Variants in FSTL4 observed in about 807,000 individuals in gnomAD.
The protein encoded by FSTL4 is follistatin like 4.
Under a neutral mutation model 78.2 loss-of-function variants are expected in FSTL4, and 28 were observed. That is an observed-to-expected ratio of 0.36 (90% CI 0.27 to 0.49). The LOEUF (loss-of-function observed/expected upper bound fraction) is 0.49. FSTL4 is among the 20% of genes least tolerant of loss of function. FSTL4 has a pLI of 0.98. For synonymous variants in FSTL4, 422 were observed against 440.5 expected (o/e 0.96, Z 0.53); for missense variants, 922 against 1,084.9 (o/e 0.85, Z 2.11).
At chr5:133,527,823 C>T (rs762660908) in intron 3 of FSTL4, among the ~76,000 whole-genome samples, 8 of 152,170 alleles carry the variant, frequency 5.3e-5, no homozygotes, top group Non-Finnish European at 1.0e-4. Flanking sequence ...TGGGCCCAGA[C>T]AAAAGAGTCC....
chr5:133,764,825 A>G, the FSTL4 span, among the ~76,000 whole-genome samples: 1 of 152,320 alleles, frequency 6.6e-6, no homozygotes, highest in Non-Finnish European at 1.5e-5. Flanking sequence ...TGCATTCCAA[A>G]GACAGATTCT....
intron 6 of FSTL4, 62 bp downstream of exon 6, chr5:133,312,592 C>T: frequency 6.5e-7 from 1 of 1,533,282 alleles, no homozygotes; most frequent in African/African-American, 1.4e-5. Context: ...AGGCACCCAA[C>T]AGCATTTTGG....
At chr5:133,316,002 G>A (rs1363477488) in intron 5 of FSTL4, among the ~76,000 whole-genome samples, 1 of 152,216 alleles carries the variant, frequency 6.6e-6, no homozygotes, top group Non-Finnish European at 1.5e-5. Flanking sequence ...GGCTTGGTGG[G>A]GGTTGACGGG....
intron 3 of FSTL4, among the ~76,000 whole-genome samples, chr5:133,446,995 T>C (rs991500331): frequency 6.6e-6 from 1 of 152,146 alleles, no homozygotes; most frequent in Non-Finnish European, 1.5e-5. Flanking sequence ...AGACAGCTCC[T>C]ACAAAGTACA....
At chr5:133,458,742 T>C (rs1029635015) in intron 3 of FSTL4, among the ~76,000 whole-genome samples, 1 of 152,202 alleles carries the variant, frequency 6.6e-6, no homozygotes, top group Admixed American at 6.5e-5. Context: ...GGCATCACTG[T>C]TGTCTGTGGG....
chr5:133,356,659 A>G (rs1425260073), intron 4 of FSTL4, among the ~76,000 whole-genome samples: 1 of 152,208 alleles, frequency 6.6e-6, no homozygotes, highest in African/African-American at 2.4e-5. Context: ...CCACTTTGTA[A>G]GTGTCAACTG....
intron 3 of FSTL4, among the ~76,000 whole-genome samples, chr5:133,469,505 T>C (rs1757776200): frequency 6.6e-6 from 1 of 152,150 alleles, no homozygotes; most frequent in South Asian, 2.1e-4. Flanking sequence ...ATGCAGATAG[T>C]GTTGGACCTG....
chr5:133,700,954 G>A, the FSTL4 span, among the ~76,000 whole-genome samples: 1 of 152,234 alleles, frequency 6.6e-6, no homozygotes, highest in Non-Finnish European at 1.5e-5. Context: ...ACGGACTTGA[G>A]AAGGACGGGC....
chr5:133,635,573 G>A, the FSTL4 span, among the ~76,000 whole-genome samples: 1 of 152,144 alleles, frequency 6.6e-6, no homozygotes, highest in Non-Finnish European at 1.5e-5. Context: ...AGACAAGCCT[G>A]ACCAACATGG....
chr5:133,691,881 C>T, the FSTL4 span, among the ~76,000 whole-genome samples: 1 of 152,216 alleles, frequency 6.6e-6, no homozygotes, highest in Middle Eastern at 3.2e-3. Context: ...CCACCTGGAG[C>T]TGTATCTTCA....
At chr5:133,471,831 G>C (rs1292152860) in intron 3 of FSTL4, among the ~76,000 whole-genome samples, 1 of 152,026 alleles carries the variant, frequency 6.6e-6, no homozygotes, top group Non-Finnish European at 1.5e-5. Context: ...AAAGTATGAC[G>C]GTGTGGTTTT....
At chr5:133,563,875 T>G (rs1411572079) in intron 3 of FSTL4, among the ~76,000 whole-genome samples, 1 of 152,228 alleles carries the variant, frequency 6.6e-6, no homozygotes, top group Non-Finnish European at 1.5e-5. Flanking sequence ...TCAACAACAA[T>G]GAAAACTAAA....
the FSTL4 span, among the ~76,000 whole-genome samples, chr5:133,772,993 C>T: frequency 6.6e-6 from 1 of 151,760 alleles, no homozygotes; most frequent in African/African-American, 2.4e-5. Flanking sequence ...ATATAAAAAG[C>T]ACAAAATAAA....
At chr5:133,697,767 A>C in the FSTL4 span, among the ~76,000 whole-genome samples, 1 of 152,150 alleles carries the variant, frequency 6.6e-6, no homozygotes, top group Non-Finnish European at 1.5e-5. Context: ...CACTTTCCCA[A>C]CCTCACGTGA....
chr5:133,717,850 T>C, the FSTL4 span, among the ~76,000 whole-genome samples: 1 of 152,236 alleles, frequency 6.6e-6, no homozygotes, highest in Admixed American at 6.5e-5. Flanking sequence ...TTGTTGCCAG[T>C]TTTTAACTAT....
At chr5:133,675,602 G>C in the FSTL4 span, among the ~76,000 whole-genome samples, 3 of 152,170 alleles carry the variant, frequency 2.0e-5, no homozygotes, top group African/African-American at 7.2e-5. Flanking sequence ...TGCAGTCCCT[G>C]GCAGCAGGCA....
chr5:133,667,705 C>T, the FSTL4 span, among the ~76,000 whole-genome samples: 1 of 152,168 alleles, frequency 6.6e-6, no homozygotes, highest in East Asian at 1.9e-4. Context: ...TGGCAACATC[C>T]TCACTCCTAG....
At chr5:133,306,433 G>A (rs753579882) in intron 6 of FSTL4, among the ~76,000 whole-genome samples, 3 of 152,256 alleles carry the variant, frequency 2.0e-5, no homozygotes, top group Non-Finnish European at 4.4e-5. Context: ...CAGGATGAGA[G>A]CTTTCTAGTG....
intron 14 of FSTL4, among the ~76,000 whole-genome samples, chr5:133,204,858 C>T (rs996023705): frequency 2.7e-5 from 4 of 147,070 alleles, no homozygotes; most frequent in South Asian, 4.3e-4. Flanking sequence ...AAAAATCTTT[C>T]AGGCTTTTGG....
Sources: allele counts gnomAD v4.1 joint callset (sites outside exome capture counted in the v4.1 genomes callset), GRCh38; gene constraint gnomAD v4.1.1; transcripts MANE v1.5; gene names NCBI Gene and HGNC (gene_info 2026-07-23, HGNC 2026-07-21).